The following SGCZ variants were observed in gnomAD, a reference collection of about 807,000 sequenced individuals.
SGCZ encodes zeta-sarcoglycan.
Under a neutral mutation model 41.3 loss-of-function variants are expected in SGCZ, and 40 were observed. The observed-to-expected ratio is 0.97, with a 90% confidence interval of 0.75 to 1.26. The LOEUF is 1.26. SGCZ is among the 50% of genes most tolerant of loss of function. The probability of loss-of-function intolerance (pLI) is 0.00; values close to 1 mark genes in which losing one functional copy is unlikely to be tolerated. For missense variants in SGCZ, 552 were observed against 369.8 expected (o/e 1.49, Z -4.04); for synonymous variants, 206 against 137.5 (o/e 1.50, Z -3.49).
At chr8:15,133,077 AG>A (rs1807972360) in intron 1 of SGCZ, among the ~76,000 whole-genome samples, 1 of 152,136 alleles carries the variant, frequency 6.6e-6, no homozygotes, top group African/African-American at 2.4e-5. Flanking sequence ...CAAGAGGTGG[AG>A]GTTGCAGTGA....
intron 1 of SGCZ, among the ~76,000 whole-genome samples, chr8:15,193,935 T>A (rs1348368257): frequency 1.3e-5 from 2 of 152,136 alleles, no homozygotes; most frequent in Non-Finnish European, 2.9e-5. Context: ...CATGTTCTTA[T>A]CTTAATATTC....
intron 1 of SGCZ, among the ~76,000 whole-genome samples, chr8:14,722,799 T>C (rs915059894): frequency 7.2e-5 from 11 of 152,152 alleles, no homozygotes; most frequent in African/African-American, 2.4e-4. Flanking sequence ...TGTGTATGTA[T>C]ATGCATACAT....
At chr8:14,708,545 T>A (rs1052383255) in intron 1 of SGCZ, among the ~76,000 whole-genome samples, 1 of 151,964 alleles carries the variant, frequency 6.6e-6, no homozygotes, top group African/African-American at 2.4e-5. Context: ...GTATATAATA[T>A]CTGAGATTTC....
chr8:15,237,070 G>T (rs1018745184), intron 1 of SGCZ, among the ~76,000 whole-genome samples: 1 of 152,232 alleles, frequency 6.6e-6, no homozygotes, highest in Non-Finnish European at 1.5e-5. Context: ...GAAGTTCTGG[G>T]ATAAAAACGG....
chr8:14,574,780 T>C (rs948820790), intron 1 of SGCZ, among the ~76,000 whole-genome samples: 5 of 152,186 alleles, frequency 3.3e-5, no homozygotes, highest in East Asian at 1.9e-4. Context: ...ATCCTTATCA[T>C]GGGAAGGAAA....
intron 1 of SGCZ, among the ~76,000 whole-genome samples, chr8:15,237,340 G>C (rs1488478848): frequency 6.6e-6 from 1 of 152,178 alleles, no homozygotes; most frequent in Non-Finnish European, 1.5e-5. Flanking sequence ...CGGGGTGGCC[G>C]CTGGCGGGAG....
chr8:14,484,798 GT>G (rs1322938670), intron 2 of SGCZ, among the ~76,000 whole-genome samples: 10 of 152,098 alleles, frequency 6.6e-5, no homozygotes, highest in African/African-American at 2.4e-4. Context: ...GAAAATCATT[GT>G]TGGTAATGAA....
chr8:14,858,319 T>C (rs1001673942), intron 1 of SGCZ, among the ~76,000 whole-genome samples: 2 of 152,090 alleles, frequency 1.3e-5, no homozygotes, highest in African/African-American at 2.4e-5. Context: ...ATTTAAAAAA[T>C]TCTTAAAACA....
intron 1 of SGCZ, among the ~76,000 whole-genome samples, chr8:14,637,270 T>C (rs1202229883): frequency 1.3e-5 from 2 of 151,750 alleles, no homozygotes; most frequent in African/African-American, 4.8e-5. Flanking sequence ...ATTCATTATG[T>C]TCTCTAAAAC....
At chr8:14,360,580 C>G (rs1450274296) in intron 2 of SGCZ, among the ~76,000 whole-genome samples, 1 of 152,076 alleles carries the variant, frequency 6.6e-6, no homozygotes, top group Non-Finnish European at 1.5e-5. Flanking sequence ...CCTGCCTCGG[C>G]CTCCAAAAGT....
At chr8:15,110,390 C>G (rs992812682) in intron 1 of SGCZ, among the ~76,000 whole-genome samples, 1 of 152,196 alleles carries the variant, frequency 6.6e-6, no homozygotes, top group Non-Finnish European at 1.5e-5. Context: ...TCTGGTCGTT[C>G]CTATAAGATC....
intron 1 of SGCZ, among the ~76,000 whole-genome samples, chr8:14,584,567 T>C (rs907463789): frequency 3.3e-5 from 5 of 152,070 alleles, no homozygotes; most frequent in Admixed American, 3.3e-4. Flanking sequence ...AACAAGGTAA[T>C]TACAAATGAT....
At chr8:14,239,916 A>G (rs1394085283) in intron 3 of SGCZ, among the ~76,000 whole-genome samples, 1 of 93,764 alleles carries the variant, frequency 1.1e-5, no homozygotes, top group Non-Finnish European at 3.1e-5. Flanking sequence ...AAAAAAAAAA[A>G]AAAAAAAAAA....
chr8:15,075,291 C>G (rs1430617487), intron 1 of SGCZ, among the ~76,000 whole-genome samples: 1 of 151,954 alleles, frequency 6.6e-6, no homozygotes, highest in Non-Finnish European at 1.5e-5. Flanking sequence ...AAATACACTT[C>G]TCAGATTTAG....
At chr8:14,993,723 A>T (rs1478849316) in intron 1 of SGCZ, among the ~76,000 whole-genome samples, 1 of 152,206 alleles carries the variant, frequency 6.6e-6, no homozygotes, top group Non-Finnish European at 1.5e-5. Context: ...AGAAGGGTCA[A>T]CCAGACCAGT....
chr8:14,238,043 A>G (rs1230094220), intron 3 of SGCZ, among the ~76,000 whole-genome samples: 3 of 152,208 alleles, frequency 2.0e-5, no homozygotes, highest in African/African-American at 7.2e-5. Context: ...TCCCTTTTTA[A>G]GTTTAAGTTG....
At chr8:14,229,210 T>C (rs1055473575) in intron 4 of SGCZ, among the ~76,000 whole-genome samples, 8 of 152,234 alleles carry the variant, frequency 5.3e-5, no homozygotes, top group African/African-American at 7.2e-5. Flanking sequence ...CATATTTCTG[T>C]TTGTAGGACA....
At chr8:14,164,815 T>A in intron 4 of SGCZ, 113 bp from the exon 5 acceptor site, 1 of 1,289,010 alleles carries the variant, frequency 7.8e-7, no homozygotes, top group Admixed American at 2.5e-5. Context: ...TTATCTCTGC[T>A]GTATGTTTTG....
At chr8:14,530,546 T>C (rs1803095090) in intron 2 of SGCZ, among the ~76,000 whole-genome samples, 1 of 152,118 alleles carries the variant, frequency 6.6e-6, no homozygotes, top group Non-Finnish European at 1.5e-5. Flanking sequence ...AGGAGTGCTC[T>C]TGTAACTTCT....
Sources: allele counts gnomAD v4.1 joint callset (sites outside exome capture counted in the v4.1 genomes callset), GRCh38; gene constraint gnomAD v4.1.1; transcripts MANE v1.5; gene names NCBI Gene and HGNC (gene_info 2026-07-23, HGNC 2026-07-21).